The following GABBR2 variants were observed in gnomAD, a reference collection of about 807,000 sequenced individuals.
GABBR2 encodes the protein G-protein coupled receptor 51.
In GABBR2, 23 loss-of-function variants were observed where a neutral mutation model predicts 105.6. The ratio of observed to expected loss-of-function variants is 0.22; its 90% CI spans 0.16 to 0.31. The LOEUF is 0.31. Ranked by LOEUF, GABBR2 falls within the 10% of genes least tolerant of loss-of-function variation. The probability of loss-of-function intolerance (pLI) is 1.00; values close to 1 mark genes in which losing one functional copy is unlikely to be tolerated. For missense variants in GABBR2, 734 were observed against 1,245.5 expected (o/e 0.59, Z 6.18); for synonymous variants, 478 against 499.7 (o/e 0.96, Z 0.58).
chr9:98,463,180 C>T (rs571388656), intron 6 of GABBR2, among the ~76,000 whole-genome samples: 31 of 152,274 alleles, frequency 2.0e-4, no homozygotes, highest in South Asian at 4.1e-4. Flanking sequence ...TGAGTCACTG[C>T]GCCCAGCCAA....
chr9:98,679,567 T>C (rs1319182280), intron 1 of GABBR2, among the ~76,000 whole-genome samples: 1 of 152,212 alleles, frequency 6.6e-6, no homozygotes, highest in Non-Finnish European at 1.5e-5. Flanking sequence ...ATGGATGGGA[T>C]AGCCTTCAGG....
In GABBR2 at chr9:98,341,204, C is replaced by T. The variant is rs139518741; in HGVS notation, c.1893+21511G>A. On this transcript the variant is annotated intron_variant, in intron 13 of 18. Coordinates refer to ENST00000259455, the MANE Select transcript of GABBR2 (RefSeq NM_005458.8). ...CTTTCCACACAAGATGTTCCAGAAT[C>T]GCGGCGGTGGCTGGCAGAGCTATTC... Among the ~76,000 whole-genome samples the T allele has an allele frequency of 8.5e-5, 13 of 152,336 alleles. 1 individual carries two copies. The South Asian group carries it at 1.0e-3, about 12-fold the overall frequency.
rs143934804 is a variant in GABBR2 at position 98,441,683 on chromosome 9, G to T, written c.1236+12298C>A. Among the ~76,000 whole-genome samples the T allele has an allele frequency of 2.0e-5, 3 of 152,282 alleles. No homozygotes were observed. The South Asian group carries it at 6.2e-4, about 32-fold the overall frequency. On this transcript the variant is annotated intron_variant, in intron 7 of 18. Coordinates refer to ENST00000259455, the MANE Select transcript of GABBR2 (RefSeq NM_005458.8). Reference sequence around the variant, plus strand: ...CGCCCAGCTGGGAGTTATTTAATGGGTATGCAGTTTCAGTTTAGGATGATG... The same window carrying T: ...CGCCCAGCTGGGAGTTATTTAATGGTTATGCAGTTTCAGTTTAGGATGATG...
rs1051502056 is a variant in GABBR2, at chr9:98,480,840, C to G, written c.798+92G>C. The G allele has an allele frequency of 6.4e-6, 5 of 783,256 alleles. No individual in the cohort carries two copies. The Admixed American group carries it at 8.7e-5, about 14-fold the overall frequency. 48.5% of individuals were successfully genotyped at this position (783,256 alleles called of 1,614,324 possible). The stretch of plus-strand genomic sequence containing the variant: ...GGAACCCAGGCTCCAGTCCTGTGAT[C>G]CCACTCACAGACTGAGCAGGGAGAT... On this transcript the variant is annotated intron_variant, in intron 5 of 18. Transcript: ENST00000259455.
At chr9:98,485,585 G>C (rs182131013) in intron 4 of GABBR2, among the ~76,000 whole-genome samples, 11 of 152,120 alleles carry the variant, frequency 7.2e-5, no homozygotes, top group Non-Finnish European at 1.5e-4. Context: ...CAAAGAACTA[G>C]CATGTACCCC....
At chr9:98,685,489 A>G (rs1218516323) in intron 1 of GABBR2, among the ~76,000 whole-genome samples, 1 of 152,154 alleles carries the variant, frequency 6.6e-6, no homozygotes, top group Non-Finnish European at 1.5e-5. Context: ...ATTCTAATAT[A>G]CTTGTTGAAT....
intron 2 of GABBR2, among the ~76,000 whole-genome samples, chr9:98,562,367 AT>A (rs1828685889): frequency 6.6e-6 from 1 of 152,250 alleles, no homozygotes; most frequent in African/African-American, 2.4e-5. Context: ...ATAAATTCCA[AT>A]AAGGACAATT....
intron 7 of GABBR2, among the ~76,000 whole-genome samples, chr9:98,452,319 T>TCAAC (rs1180213920): frequency 4.6e-5 from 7 of 152,240 alleles, no homozygotes; most frequent in Admixed American, 2.0e-4. Flanking sequence ...TTTAGCCCAC[T>TCAAC]CAACGTATTC....
At chr9:98,617,894 C>T (rs1156287972) in intron 1 of GABBR2, among the ~76,000 whole-genome samples, 1 of 152,206 alleles carries the variant, frequency 6.6e-6, no homozygotes, top group East Asian at 1.9e-4. Flanking sequence ...CCACTACCTG[C>T]AGTCTGTATG....
intron 13 of GABBR2, among the ~76,000 whole-genome samples, chr9:98,336,594 A>G (rs1831119877): frequency 6.6e-6 from 1 of 152,102 alleles, no homozygotes; most frequent in African/African-American, 2.4e-5. Flanking sequence ...AGTCCCAGCT[A>G]CTCGGGAGGC....
intron 4 of GABBR2, among the ~76,000 whole-genome samples, chr9:98,486,588 T>C (rs962471525): frequency 2.6e-5 from 4 of 152,306 alleles, no homozygotes; most frequent in East Asian, 1.9e-4. Flanking sequence ...GTCCACTCAA[T>C]GGCATCCTGG....
chr9:98,453,141 C>T (rs1358140807), intron 7 of GABBR2, among the ~76,000 whole-genome samples: 1 of 152,220 alleles, frequency 6.6e-6, no homozygotes, highest in African/African-American at 2.4e-5. Flanking sequence ...ATTCTCCTGC[C>T]TCAGCCTCCC....
At chr9:98,315,651 C>T (rs553171548) in intron 13 of GABBR2, among the ~76,000 whole-genome samples, 3 of 152,362 alleles carry the variant, frequency 2.0e-5, no homozygotes, top group African/African-American at 7.2e-5. Context: ...GGCAGGTGGG[C>T]TACCCACCCC....
intron 7 of GABBR2, among the ~76,000 whole-genome samples, chr9:98,429,685 GGACAAGCCATTC>G (rs1825763529): frequency 6.6e-6 from 1 of 152,184 alleles, no homozygotes; most frequent in Non-Finnish European, 1.5e-5. Context: ...AGCTTGTTGA[GGACAAGCCATTC>G]ACTCAGTGTC....
chr9:98,364,600 G>GTTTTTTT (rs1831643328), intron 12 of GABBR2, among the ~76,000 whole-genome samples: 2 of 86,300 alleles, frequency 2.3e-5, no homozygotes, highest in Non-Finnish European at 2.2e-5. Context: ...TGAGGAAGTG[G>GTTTTTTT]ATTTTTTTTT....
At chr9:98,677,443 G>A (rs900479059) in intron 1 of GABBR2, among the ~76,000 whole-genome samples, 8 of 152,188 alleles carry the variant, frequency 5.3e-5, no homozygotes, top group African/African-American at 1.9e-4. Flanking sequence ...TGATTTTTCA[G>A]AATTTTTTTT....
chr9:98,570,281 G>A (rs34629716), intron 2 of GABBR2, among the ~76,000 whole-genome samples: 1 of 152,166 alleles, frequency 6.6e-6, no homozygotes, highest in African/African-American at 2.4e-5. Flanking sequence ...TGGGGACAGC[G>A]CTGGGAGAAA....
intron 10 of GABBR2, among the ~76,000 whole-genome samples, chr9:98,386,399 C>T (rs760089198): frequency 5.3e-5 from 8 of 152,112 alleles, no homozygotes; most frequent in Non-Finnish European, 1.0e-4. Flanking sequence ...CACACTGTTC[C>T]GTGCACAAAG....
chr9:98,547,970 G>A (rs57488751), intron 2 of GABBR2, among the ~76,000 whole-genome samples: 12,689 of 119,926 alleles, frequency 0.11, 3,335 homozygotes, highest in African/African-American at 0.22. Flanking sequence ...CTCCCTTTTC[G>A]CCCCATCCTC....
Sources: gnomAD v4.1 joint callset for allele counts (sites outside exome capture counted in the v4.1 genomes callset) on GRCh38, gnomAD v4.1.1 for gene constraint, MANE v1.5 for transcripts, NCBI Gene and HGNC (gene_info 2026-07-23, HGNC 2026-07-21) for gene names.